MARCHF10: variants seen among roughly 807,000 people sequenced by gnomAD.
MARCHF10 encodes the protein probable E3 ubiquitin-protein ligase MARCHF10.
In MARCHF10, 64 loss-of-function variants were observed where a neutral mutation model predicts 76.2. The observed-to-expected ratio is 0.84, with a 90% CI of 0.69 to 1.03. The LOEUF is 1.03. MARCHF10 is among the 50% of genes least tolerant of loss of function. The pLI, the probability that MARCHF10 is intolerant of heterozygous loss-of-function variation, is 0.00. For missense variants in MARCHF10, 875 were observed against 958.0 expected (o/e 0.91, Z 1.14); for synonymous variants, 340 against 357.5 (o/e 0.95, Z 0.55).
At chr17:62,737,600 A>G in intron 5 of MARCHF10, 1 of 457,248 alleles carries the variant, frequency 2.2e-6, no homozygotes, top group South Asian at 2.7e-5. Flanking sequence ...CTCCCGGAAG[A>G]CTGGCCCAGC....
chr17:62,724,710 CA>C (rs2090664588), intron 7 of MARCHF10, among the ~76,000 whole-genome samples: 1 of 151,820 alleles, frequency 6.6e-6, no homozygotes, highest in Admixed American at 6.6e-5. Flanking sequence ...CAGATAAAAG[CA>C]AAAAACAAAA....
chr17:62,804,277 G>C (rs1451148129), intron 1 of MARCHF10, among the ~76,000 whole-genome samples: 3 of 152,212 alleles, frequency 2.0e-5, no homozygotes, highest in African/African-American at 7.2e-5. Flanking sequence ...TGTGCTGTCA[G>C]ACGCAGGGCT....
chr17:62,788,706 C>T, intron 2 of MARCHF10, 107 bp from the exon 3 acceptor site: 2 of 1,418,862 alleles, frequency 1.4e-6, no homozygotes, highest in Non-Finnish European at 1.9e-6. Context: ...ATATGCATCT[C>T]CAGGTGTTCA....
chr17:62,759,215 G>A (rs73335766), intron 4 of MARCHF10, among the ~76,000 whole-genome samples: 1,955 of 152,284 alleles, frequency 0.013, 49 homozygotes, highest in African/African-American at 0.044. Flanking sequence ...CATAAAACTT[G>A]ATACCTGGGG....
intron 2 of MARCHF10, among the ~76,000 whole-genome samples, chr17:62,791,645 C>T (rs1052892327): frequency 2.0e-5 from 3 of 152,252 alleles, no homozygotes; most frequent in African/African-American, 4.8e-5. Flanking sequence ...AATCTTTCTA[C>T]GTAAATCAAA....
chr17:62,717,350 G>A (rs2090262426), intron 8 of MARCHF10, among the ~76,000 whole-genome samples: 1 of 152,254 alleles, frequency 6.6e-6, no homozygotes, highest in African/African-American at 2.4e-5. Flanking sequence ...TGATAATGCG[G>A]GCATTTCCCA....
At chr17:62,725,438 AT>A (rs1261283109) in intron 6 of MARCHF10, among the ~76,000 whole-genome samples, 1 of 152,102 alleles carries the variant, frequency 6.6e-6, no homozygotes, top group Non-Finnish European at 1.5e-5. Flanking sequence ...TATTTTAAAA[AT>A]TATTTTGTAG....
chr17:62,803,145 C>T (rs1056480852), intron 1 of MARCHF10, among the ~76,000 whole-genome samples: 1 of 152,022 alleles, frequency 6.6e-6, no homozygotes, highest in African/African-American at 2.4e-5. Context: ...GAAAATTAGC[C>T]AGGTATTGTG....
rs947027652 is a variant in MARCHF10 at position 62,709,945 on chromosome 17, C to T, written c.2328+1286G>A. Reference sequence around the variant, plus strand: ...GGTGAGATCAATTTCAGGGTTTCTCCAGTTCAATGTGAGCTTGTGGTGAGA... The same window carrying T: ...GGTGAGATCAATTTCAGGGTTTCTCTAGTTCAATGTGAGCTTGTGGTGAGA... On this transcript the variant is annotated intron_variant, in intron 9 of 10. Transcript: ENST00000311269. 4.6e-5 allele frequency among the ~76,000 whole-genome samples: 7 copies of T among 152,126 alleles called. 1 individual carries two copies. The highest frequency in any genetic ancestry group is 1.7e-4 in the African/African-American group (7 of 41,430).
At chr17:62,772,111 C>CTG (rs2092459795) in intron 3 of MARCHF10, among the ~76,000 whole-genome samples, 1 of 152,160 alleles carries the variant, frequency 6.6e-6, no homozygotes, top group Non-Finnish European at 1.5e-5. Flanking sequence ...TATGGTTTGG[C>CTG]TGTGTCCCCA....
chr17:62,759,072 G>T (rs1179465350), intron 4 of MARCHF10, among the ~76,000 whole-genome samples: 1 of 152,214 alleles, frequency 6.6e-6, no homozygotes, highest in Non-Finnish European at 1.5e-5. Flanking sequence ...GCACAAAAGG[G>T]AGAATTTATC....
At chr17:62,791,720 C>T (rs1289168526) in intron 2 of MARCHF10, among the ~76,000 whole-genome samples, 3 of 152,182 alleles carry the variant, frequency 2.0e-5, no homozygotes, top group Non-Finnish European at 2.9e-5. Flanking sequence ...AATATCCAGA[C>T]TCACAGTCGT....
At chr17:62,748,657 C>A (rs181647285) in intron 4 of MARCHF10, among the ~76,000 whole-genome samples, 176 of 152,004 alleles carry the variant, frequency 1.2e-3, no homozygotes, top group Non-Finnish European at 1.7e-3. Context: ...GGCAAGAGGA[C>A]CATTTGAGCC....
rs530218791 is a variant in MARCHF10, at chr17:62,721,270, C to T, written c.2214+1218G>A. 5.9e-5 allele frequency among the ~76,000 whole-genome samples: 9 copies of T among 152,146 alleles called. No homozygotes were observed. In the South Asian group the frequency reaches 1.5e-3, roughly 25 times the overall value. On this transcript the variant is annotated intron_variant, in intron 8 of 10. Coordinates refer to ENST00000311269, the MANE Select transcript of MARCHF10 (RefSeq NM_152598.4). ...TAAAGCTTTTTACTTGTTGTTAAAA[C>T]GAAGTGACAACTTCAAACTCTTTAC... is the stretch of plus-strand genomic sequence containing the variant.
rs60456766 is a variant in MARCHF10, at chr17:62,723,559, C to CTTTT, written c.2105-966_2105-963dup. 1.4e-3 allele frequency among the ~76,000 whole-genome samples: 116 copies of CTTTT among 80,370 alleles called. 9 individuals carry two copies. The highest frequency in any genetic ancestry group is 7.0e-3 in the East Asian group (20 of 2,870). 52.7% of individuals were successfully genotyped at this position (80,370 alleles called of 152,430 possible). ...CCTTATCTGCATTTTGTTCGCTTGA[C>CTTTT]TTTTTTTTTTTTTTTTTTTAGCGTC... is the stretch of plus-strand genomic sequence containing the variant. On this transcript the variant is annotated intron_variant, in intron 7 of 10. Coordinates refer to ENST00000311269, the MANE Select transcript of MARCHF10 (RefSeq NM_152598.4).
intron 9 of MARCHF10, among the ~76,000 whole-genome samples, chr17:62,709,436 C>T (rs2089788497): frequency 6.6e-6 from 1 of 152,120 alleles, no homozygotes; most frequent in Non-Finnish European, 1.5e-5. Context: ...GATTGAGCCA[C>T]TGCACTCCAG....
At chr17:62,746,482 G>GA (rs1599199294) in intron 4 of MARCHF10, among the ~76,000 whole-genome samples, 1 of 137,478 alleles carries the variant, frequency 7.3e-6, no homozygotes, top group Non-Finnish European at 1.6e-5. Context: ...AGAGAGAGAG[G>GA]GATCAGGTGT....
chr17:62,801,813 G>T, intron 1 of MARCHF10, 61 bp from the exon 2 acceptor site: 1 of 1,205,896 alleles, frequency 8.3e-7, no homozygotes, highest in African/African-American at 1.5e-5. Flanking sequence ...TGCCGTATTT[G>T]GATTTATTTT....
At chr17:62,802,698 G>C (rs2093095867) in intron 1 of MARCHF10, among the ~76,000 whole-genome samples, 1 of 152,178 alleles carries the variant, frequency 6.6e-6, no homozygotes, top group Non-Finnish European at 1.5e-5. Context: ...TTGACAGAGT[G>C]AGCTAGCTGA....
Sources: allele counts gnomAD v4.1 joint callset (sites outside exome capture counted in the v4.1 genomes callset), GRCh38; gene constraint gnomAD v4.1.1; transcripts MANE v1.5; gene names NCBI Gene and HGNC (gene_info 2026-07-23, HGNC 2026-07-21).